OTOGL: variants seen among roughly 807,000 people sequenced by gnomAD.
The protein encoded by OTOGL is otogelin-like protein.
A neutral mutation model predicts 318.5 loss-of-function variants in OTOGL; 285 were observed. The observed-to-expected ratio is 0.89, with a 90% CI of 0.81 to 0.99. The LOEUF (loss-of-function observed/expected upper bound fraction) is 0.99. Ranked by LOEUF, OTOGL falls within the 50% of genes least tolerant of loss-of-function variation. The pLI is 0.00. For synonymous variants in OTOGL, 987 were observed against 936.5 expected (o/e 1.05, Z -0.99); for missense variants, 2,899 against 2,845.6 (o/e 1.02, Z -0.43).
At chr12:80,162,420 A>T (rs1873573710) in intron 1 of OTOGL, among the ~76,000 whole-genome samples, 1 of 152,128 alleles carries the variant, frequency 6.6e-6, no homozygotes, top group Non-Finnish European at 1.5e-5. Context: ...TCTCATAAGT[A>T]TACACAAGGA....
rs370566645 is a variant in OTOGL, at chr12:80,257,806, G to C, written c.1712-19G>C. ...TCTATGAATGTCAAAGCTGATTTAC[G>C]TATGTTCTTTTCCTGCAGGTATTGT... On this transcript the variant is annotated intron_variant, in intron 17 of 58. Coordinates refer to ENST00000547103, the MANE Select transcript of OTOGL (RefSeq NM_001378609.3). 2 of 1,541,478 alleles carry C rather than the reference G, an allele frequency of 1.3e-6. No individual in the cohort carries two copies. The highest frequency in any genetic ancestry group is 2.7e-5 in the African/African-American group (2 of 73,082).
At chr12:80,151,646 A>G (rs536402080) in intron 1 of OTOGL, among the ~76,000 whole-genome samples, 1 of 152,316 alleles carries the variant, frequency 6.6e-6, no homozygotes, top group South Asian at 2.1e-4. Flanking sequence ...ATACCTTTAG[A>G]TATTAGCTGT....
chr12:80,102,359 C>T (rs1869189296), intron 1 of OTOGL, among the ~76,000 whole-genome samples: 1 of 152,116 alleles, frequency 6.6e-6, no homozygotes, highest in African/African-American at 2.4e-5. Flanking sequence ...GTGGCTTTTC[C>T]CTCAATGGTA....
intron 1 of OTOGL, among the ~76,000 whole-genome samples, chr12:80,131,634 C>A (rs1213976368): frequency 1.3e-5 from 2 of 152,086 alleles, no homozygotes; most frequent in Non-Finnish European, 2.9e-5. Flanking sequence ...AGGTACCATA[C>A]AATTTTCTCT....
Position 80,164,490 on chromosome 12 carries a change from AT to A in OTOGL, c.-19-44920del, listed in dbSNP as rs550230754. Among the ~76,000 whole-genome samples, 512 of 152,228 alleles carry A rather than the reference AT, an allele frequency of 3.4e-3. 3 individuals carry two copies. Among genetic ancestry groups the A allele is most frequent in the African/African-American group, 0.012 (487 of 41,544 alleles). On this transcript the variant is annotated intron_variant, in intron 1 of 58. Transcript: ENST00000547103. Reference sequence around the variant, plus strand: ...TATTGTAGTTTGTGTTTTACTAGGAATTTGTTTCATCTAAGCTTCTGAATTT... The same window carrying A: ...TATTGTAGTTTGTGTTTTACTAGGAATTGTTTCATCTAAGCTTCTGAATTT...
intron 1 of OTOGL, chr12:80,103,227 T>C (rs1869247696): frequency 6.8e-7 from 1 of 1,463,176 alleles, no homozygotes; most frequent in African/African-American, 1.4e-5. Context: ...TCTCAGCTCT[T>C]TGGAAAGAAG....
At chr12:80,272,737 A>G (rs1278103003) in intron 24 of OTOGL, among the ~76,000 whole-genome samples, 2 of 152,054 alleles carry the variant, frequency 1.3e-5, no homozygotes, top group Non-Finnish European at 2.9e-5. Context: ...CATTTGTCTA[A>G]ATGGCCCCCA....
intron 13 of OTOGL, 143 bp from the exon 14 acceptor site, chr12:80,253,323 A>G: frequency 1.4e-6 from 1 of 696,504 alleles, no homozygotes; most frequent in Non-Finnish European, 2.4e-6. Flanking sequence ...TCAGGTTGTC[A>G]GTAATCCCAC....
At position 80,333,003 on chromosome 12, in the gene OTOGL, A is replaced by G; in HGVS notation, c.4349-2A>G. The G allele has an allele frequency of 6.3e-7, 1 of 1,587,528 alleles. No homozygotes were observed. Among genetic ancestry groups the G allele is most frequent in the South Asian group, 1.1e-5 (1 of 87,204 alleles). On this transcript the variant is annotated splice_acceptor_variant, in intron 37 of 58. Transcript: ENST00000547103. LOFTEE classifies it high-confidence loss of function. ...TGAGGATTACTTTTTCATTTCTGAC[A>G]GTTTGGGAAATGATTACTCCATCAG...
intron 19 of OTOGL, among the ~76,000 whole-genome samples, chr12:80,264,504 T>G (rs112173532): frequency 3.2e-4 from 49 of 152,366 alleles, no homozygotes; most frequent in African/African-American, 1.2e-3. Context: ...GTGCAGACAT[T>G]GAGTTCAACA....
chr12:80,110,011 G>A (rs1354801784), intron 1 of OTOGL, among the ~76,000 whole-genome samples: 3 of 151,244 alleles, frequency 2.0e-5, no homozygotes, highest in African/African-American at 7.3e-5. Context: ...CATGTGCAAT[G>A]GTAGTTTGCT....
intron 11 of OTOGL, among the ~76,000 whole-genome samples, chr12:80,247,908 C>G (rs766411283): frequency 2.0e-5 from 2 of 101,846 alleles, no homozygotes; most frequent in East Asian, 2.3e-4. Context: ...GATCCCTTTA[C>G]CATTATGTAA....
At chr12:80,213,506 C>T (rs1023995632) in intron 4 of OTOGL, among the ~76,000 whole-genome samples, 2 of 152,200 alleles carry the variant, frequency 1.3e-5, no homozygotes, top group African/African-American at 4.8e-5. Context: ...TCATTTTACC[C>T]AGCCCCTATT....
chr12:80,283,625 T>C (rs780931872), intron 26 of OTOGL, among the ~76,000 whole-genome samples: 1 of 151,956 alleles, frequency 6.6e-6, no homozygotes, highest in Non-Finnish European at 1.5e-5. Context: ...AGCTAAAAAA[T>C]TACTTGTTTG....
At chr12:80,107,101 T>C (rs1024704076) in intron 1 of OTOGL, among the ~76,000 whole-genome samples, 1 of 152,296 alleles carries the variant, frequency 6.6e-6, no homozygotes, top group Non-Finnish European at 1.5e-5. Flanking sequence ...AGCTGGCAAA[T>C]TAGTTGTAAA....
At chr12:80,191,174 A>G (rs1875668468) in intron 1 of OTOGL, among the ~76,000 whole-genome samples, 1 of 152,382 alleles carries the variant, frequency 6.6e-6, no homozygotes, top group East Asian at 1.9e-4. Context: ...GCAGTGGTTC[A>G]TGCCTATAAT....
At position 80,333,053 on chromosome 12, in the gene OTOGL, C is replaced by T; in HGVS notation, c.4397C>T (p.Thr1466Ile). The T allele has an allele frequency of 6.2e-7, 1 of 1,601,916 alleles. No individual in the cohort carries two copies. The highest frequency in any genetic ancestry group is 2.2e-5 in the East Asian group (1 of 44,616). Residue 1466 changes from threonine to isoleucine, a missense_variant, in exon 38 of 59, where the codon ACA becomes ATA. By Grantham distance (89) the Thr-to-Ile change is moderately conservative. Around this residue, in one of 3 missense-constraint regions of OTOGL, gnomAD observed 2,607 missense variants for 2,524.9 expected, o/e 1.03. Coordinates refer to ENST00000547103, the MANE Select transcript of OTOGL (RefSeq NM_001378609.3). ...PSDITVFDML[T>I]PTTGLECEPQ... ...GACATCACTGTGTTTGATATGCTAA[C>T]ACCAACTACAGGCTTGGAATGTGAG... is the stretch of plus-strand genomic sequence containing the variant.
intron 4 of OTOGL, among the ~76,000 whole-genome samples, chr12:80,216,379 G>A (rs1296863267): frequency 6.6e-6 from 1 of 152,062 alleles, no homozygotes; most frequent in Non-Finnish European, 1.5e-5. Flanking sequence ...GTTTGGGTGT[G>A]TTTATTCTGG....
chr12:80,313,504 G>A lies in OTOGL; in HGVS notation c.3479G>A (p.Cys1160Tyr), dbSNP rs767927262. ...GACGTTACTTCTTTTGCCAAAAATTGTCATGAAGATACATGTAACTGCAAT... is the reference window on the plus strand; with the variant it reads ...GACGTTACTTCTTTTGCCAAAAATTATCATGAAGATACATGTAACTGCAAT... ...VIDVTSFAKN[C>Y]HEDTCNCNLG... Residue 1160 changes from cysteine (C) to tyrosine (Y), a missense_variant, in exon 31 of 59, where the codon TGT becomes TAT. Around this residue, in one of 3 missense-constraint regions of OTOGL, gnomAD observed 2,607 missense variants for 2,524.9 expected, o/e 1.03. Transcript: ENST00000547103. The A allele has an allele frequency of 1.2e-6, 2 of 1,611,896 alleles. No homozygotes were observed. Among genetic ancestry groups the A allele is most frequent in the South Asian group, 2.2e-5 (2 of 90,992 alleles).
Sources: allele counts gnomAD v4.1 joint callset (sites outside exome capture counted in the v4.1 genomes callset), GRCh38; gene constraint gnomAD v4.1.1; regional missense constraint gnomAD v4.1.1; transcripts MANE v1.5; gene names NCBI Gene and HGNC (gene_info 2026-07-23, HGNC 2026-07-21).